STK10: variants seen among roughly 807,000 people sequenced by gnomAD.
The protein encoded by STK10 is serine/threonine kinase 10, also known as serine/threonine-protein kinase 10.
A neutral mutation model predicts 113.8 loss-of-function variants in STK10; 78 were observed. The ratio of observed to expected loss-of-function variants is 0.69; its 90% CI spans 0.57 to 0.83. The LOEUF is 0.83. Ranked by LOEUF, STK10 falls within the 40% of genes least tolerant of loss-of-function variation. The pLI, the probability that STK10 is intolerant of heterozygous loss-of-function variation, is 0.00. For missense variants in STK10, 1,109 were observed against 1,280.1 expected, an observed-to-expected ratio of 0.87 and a Z score of 2.04; for synonymous variants, 465 against 494.7, an observed-to-expected ratio of 0.94 and a Z score of 0.80.
chr5:172,094,647 G>A (rs1053171691), intron 8 of STK10, among the ~76,000 whole-genome samples: 3 of 152,140 alleles, frequency 2.0e-5, no homozygotes, highest in Non-Finnish European at 2.9e-5. Flanking sequence ...GCCTCCCAAA[G>A]TGCTGGGATT....
intron 1 of STK10, among the ~76,000 whole-genome samples, chr5:172,166,141 C>G (rs888937681): frequency 6.6e-6 from 1 of 152,166 alleles, no homozygotes; most frequent in Non-Finnish European, 1.5e-5. Flanking sequence ...CTTTTTCTTT[C>G]TCTGGCGCTG....
intron 2 of STK10, among the ~76,000 whole-genome samples, chr5:172,128,846 T>C (rs1418254800): frequency 1.3e-5 from 2 of 152,218 alleles, no homozygotes; most frequent in Non-Finnish European, 2.9e-5. Flanking sequence ...ATGGTCTAGC[T>C]GGACCAGAGA....
At chr5:172,135,322 G>A (rs113236096) in intron 2 of STK10, among the ~76,000 whole-genome samples, 1,907 of 152,202 alleles carry the variant, frequency 0.013, 39 homozygotes, top group African/African-American at 0.044. Context: ...AGACAGCCTG[G>A]CCGACATAGT....
chr5:172,093,758 C>A lies in STK10; in HGVS notation c.1208G>T (p.Gly403Val). 1.2e-6 allele frequency: 2 copies of A among 1,611,602 alleles called. No individual in the cohort carries two copies. The highest frequency in any genetic ancestry group is 1.7e-6 in the Non-Finnish European group (2 of 1,177,902). ...PPVVAPGNEN[G>V]LAVPVPLRKS... ...CCGCAGGGGCACAGGCACTGCCAGGCCGTTCTCATTTCCAGGGGCCACGAC... is the reference window on the plus strand; with the variant it reads ...CCGCAGGGGCACAGGCACTGCCAGGACGTTCTCATTTCCAGGGGCCACGAC... Residue 403 changes from glycine to valine, a missense_variant, in exon 9 of 19, where the codon GGC becomes GTC. Gly to Val is a moderately radical substitution (Grantham distance 109). Around this residue, in one of 5 missense-constraint regions of STK10, gnomAD observed 885 missense variants for 991.1 expected, o/e 0.89. Transcript: ENST00000176763. This position sits in a 1 kb window ranked among gnomAD's most constrained non-coding sequence, Gnocchi z 4.1.
chr5:172,073,034 G>A (rs1038779737), intron 12 of STK10, among the ~76,000 whole-genome samples: 12 of 152,190 alleles, frequency 7.9e-5, no homozygotes, highest in Admixed American at 6.5e-5. Context: ...GCACAGTGGT[G>A]CAATTATGGC....
At chr5:172,149,495 C>CGTGTGTGTGT (rs3839238) in intron 2 of STK10, among the ~76,000 whole-genome samples, 3 of 149,262 alleles carry the variant, frequency 2.0e-5, no homozygotes, top group Non-Finnish European at 3.0e-5. Context: ...ACAAAGTGCT[C>CGTGTGTGTGT]GTGTGTGTGT....
chr5:172,054,500 C>T (rs2113690063), intron 17 of STK10, 69 bp downstream of exon 17: 6 of 1,575,800 alleles, frequency 3.8e-6, no homozygotes, highest in South Asian at 1.1e-5. Flanking sequence ...TTCTGGCCCC[C>T]TGAGATCTGA....
At position 172,093,783 on chromosome 5, in the gene STK10, C is replaced by T; in HGVS notation, c.1183G>A (p.Val395Ile). Residue 395 changes from valine (V) to isoleucine (I), a missense_variant, in exon 9 of 19, where the codon GTC (valine) becomes ATC (isoleucine). Physicochemically the swap from Val to Ile is conservative, Grantham distance 29 (BLOSUM62 3). Transcript: ENST00000176763. This position sits in a 1 kb window ranked among gnomAD's most constrained non-coding sequence, Gnocchi z 4.1. Reference sequence around the variant, plus strand: ...CCGTTCTCATTTCCAGGGGCCACGACTGGGGGACTGGTGGTTTGGAGGGAT... The same window carrying T: ...CCGTTCTCATTTCCAGGGGCCACGATTGGGGGACTGGTGGTTTGGAGGGAT... ...DRSLQTTSPP[V>I]VAPGNENGLA... 1.2e-6 allele frequency: 2 copies of T among 1,609,302 alleles called. No homozygotes were observed. The highest frequency in any genetic ancestry group is 1.7e-6 in the Non-Finnish European group (2 of 1,176,286).
At chr5:172,152,685 A>G (rs1770262863) in intron 2 of STK10, among the ~76,000 whole-genome samples, 1 of 152,242 alleles carries the variant, frequency 6.6e-6, no homozygotes, top group African/African-American at 2.4e-5. Context: ...GGAAACGTTT[A>G]AGAATGTTGG....
In STK10 at chr5:172,061,133, C is replaced by T. The variant is rs768576306; in HGVS notation, c.2212+6G>A. 9 of 1,607,856 alleles carry T rather than the reference C, an allele frequency of 5.6e-6. No individual in the cohort carries two copies. The highest frequency in any genetic ancestry group is 2.2e-5 in the East Asian group (1 of 44,756). On this transcript the variant is annotated splice_donor_region_variant and intron_variant, in intron 14 of 18. Coordinates refer to ENST00000176763, the MANE Select transcript of STK10 (RefSeq NM_005990.4). Reference sequence around the variant, plus strand: ...CAAGACAGCGCTGCCACTTGCACACCCCCACCTCGAAGGAGCTCCTGCTTC... The same window carrying T: ...CAAGACAGCGCTGCCACTTGCACACTCCCACCTCGAAGGAGCTCCTGCTTC...
chr5:172,124,976 T>A (rs1320256722), intron 3 of STK10, among the ~76,000 whole-genome samples: 2 of 152,236 alleles, frequency 1.3e-5, no homozygotes, highest in Non-Finnish European at 2.9e-5. Context: ...ACTGGAGGTA[T>A]AAATGGTATA....
intron 2 of STK10, among the ~76,000 whole-genome samples, chr5:172,142,396 T>C (rs1769992189): frequency 6.6e-6 from 1 of 152,146 alleles, no homozygotes; most frequent in Non-Finnish European, 1.5e-5. Context: ...TTCTAAGTAA[T>C]GCGCACAAAG....
rs1185797906 is a variant in STK10 at position 172,133,323 on chromosome 5, C to T, written c.322-5902G>A. Among the ~76,000 whole-genome samples the T allele has an allele frequency of 6.6e-6, 1 of 152,130 alleles. No individual in the cohort carries two copies. Among genetic ancestry groups the T allele is most frequent in the East Asian group, 1.9e-4 (1 of 5,196 alleles). ...TAAGGAAAAAACAGTGGGTTGGGGA[C>T]AAACAGCGAAGAGGCCATTTCATGA... On this transcript the variant is annotated intron_variant, in intron 2 of 18. Coordinates refer to ENST00000176763, the MANE Select transcript of STK10 (RefSeq NM_005990.4). This position sits in a 1 kb window ranked among gnomAD's most constrained non-coding sequence, Gnocchi z 4.9.
At chr5:172,048,776 GA>G (rs776089403) in intron 18 of STK10, among the ~76,000 whole-genome samples, 17 of 151,152 alleles carry the variant, frequency 1.1e-4, no homozygotes, top group Non-Finnish European at 2.2e-4. Context: ...CCTCTGCTCA[GA>G]ACCCTCCAGT....
intron 3 of STK10, among the ~76,000 whole-genome samples, chr5:172,127,076 G>A (rs895877002): frequency 2.0e-5 from 3 of 152,134 alleles, no homozygotes; most frequent in Non-Finnish European, 4.4e-5. Flanking sequence ...GCTGAGGCAG[G>A]AGAGTCATTT....
intron 1 of STK10, among the ~76,000 whole-genome samples, chr5:172,160,253 C>G (rs1339721818): frequency 1.3e-5 from 2 of 152,098 alleles, no homozygotes; most frequent in African/African-American, 2.4e-5. Context: ...GTAGGTGGAT[C>G]ACCTGAAGTC....
chr5:172,088,872 G>A (rs1768627917), intron 10 of STK10, among the ~76,000 whole-genome samples: 1 of 152,168 alleles, frequency 6.6e-6, no homozygotes, highest in Non-Finnish European at 1.5e-5. Flanking sequence ...CCCGAAGGAG[G>A]GCTGTAAGTG....
intron 1 of STK10, among the ~76,000 whole-genome samples, chr5:172,166,674 A>T (rs1016765158): frequency 6.6e-6 from 1 of 152,258 alleles, no homozygotes; most frequent in Non-Finnish European, 1.5e-5. Flanking sequence ...TTAATAAATT[A>T]GCAAAAACAT....
At chr5:172,175,849 G>A (rs1462364801) in intron 1 of STK10, among the ~76,000 whole-genome samples, 1 of 152,142 alleles carries the variant, frequency 6.6e-6, no homozygotes, top group Non-Finnish European at 1.5e-5. Flanking sequence ...ATGTGACCCT[G>A]AGTAAGTCAC....
Sources: gnomAD v4.1 joint callset for allele counts (sites outside exome capture counted in the v4.1 genomes callset) on GRCh38, gnomAD v4.1.1 for gene constraint, gnomAD v4.1.1 regional missense constraint, Gnocchi (gnomAD v3.1) non-coding constraint, MANE v1.5 for transcripts, NCBI Gene and HGNC (gene_info 2026-07-23, HGNC 2026-07-21) for gene names.